NXPH2: variants seen among roughly 807,000 people sequenced by gnomAD.
The protein encoded by NXPH2 is neurexophilin-2.
In NXPH2, 5 loss-of-function variants were observed where a neutral mutation model predicts 19.8. The ratio of observed to expected loss-of-function variants is 0.25; its 90% CI spans 0.13 to 0.53. NXPH2 has a LOEUF of 0.53. Ranked by LOEUF, NXPH2 falls within the 20% of genes least tolerant of loss-of-function variation. The probability of loss-of-function intolerance (pLI) is 0.96; values close to 1 mark genes in which losing one functional copy is unlikely to be tolerated. For missense variants in NXPH2, 289 were observed against 322.8 expected, an observed-to-expected ratio of 0.90 and a Z score of 0.80; for synonymous variants, 154 against 127.4, an observed-to-expected ratio of 1.21 and a Z score of -1.41.
At chr2:138,703,524 C>T (rs1160498748) in intron 1 of NXPH2, among the ~76,000 whole-genome samples, 1 of 152,152 alleles carries the variant, frequency 6.6e-6, no homozygotes, top group Non-Finnish European at 1.5e-5. Flanking sequence ...GGTCATTATC[C>T]AGCAACCCAG....
At chr2:138,727,337 G>T (rs1448083379) in intron 1 of NXPH2, among the ~76,000 whole-genome samples, 1 of 152,134 alleles carries the variant, frequency 6.6e-6, no homozygotes, top group Non-Finnish European at 1.5e-5. Flanking sequence ...AAACCGTTTT[G>T]CATTCCCCCA....
chr2:138,761,612 T>C (rs946783845), intron 1 of NXPH2, among the ~76,000 whole-genome samples: 1 of 152,198 alleles, frequency 6.6e-6, no homozygotes, highest in Non-Finnish European at 1.5e-5. Flanking sequence ...CTGTGCCACT[T>C]GAAGCTAAGA....
At position 138,712,543 on chromosome 2, in the gene NXPH2, G is replaced by A. The variant is rs570943752; in HGVS notation, c.52-40878C>T. On this transcript the variant is annotated intron_variant, in intron 1 of 1. Transcript: ENST00000272641. ...GGATACTAAGGAGCCTTCAAGTGCA[G>A]TTCTGCTTCCCCCAAATTCGGTGGC... Among the ~76,000 whole-genome samples the A allele has an allele frequency of 2.0e-5, 3 of 152,292 alleles. No individual in the cohort carries two copies. The East Asian group carries it at 5.8e-4, about 29-fold the overall frequency.
Position 138,723,484 on chromosome 2 carries a change from T to C in NXPH2, c.52-51819A>G, listed in dbSNP as rs1433712843. Among the ~76,000 whole-genome samples, 3 of 152,306 alleles carry C rather than the reference T, an allele frequency of 2.0e-5. No homozygotes were observed. The East Asian group carries it at 5.8e-4, about 29-fold the overall frequency. The stretch of plus-strand genomic sequence containing the variant: ...TCTTCTCTGAGTGAAGTTTTTATGT[T>C]AAGCCAACTGTGAGGGGAGCAGTCT... On this transcript the variant is annotated intron_variant, in intron 1 of 1. Coordinates refer to ENST00000272641, the MANE Select transcript of NXPH2 (RefSeq NM_007226.3).
chr2:138,736,950 A>G (rs1233514795), intron 1 of NXPH2, among the ~76,000 whole-genome samples: 1 of 152,192 alleles, frequency 6.6e-6, no homozygotes, highest in African/African-American at 2.4e-5. Context: ...AGTTCCCAAC[A>G]AGTTCCTCAT....
In NXPH2 at chr2:138,696,000, GA is replaced by G. The variant is rs1680823179; in HGVS notation, c.52-24336del. Among the ~76,000 whole-genome samples the G allele has an allele frequency of 4.0e-5, 6 of 151,792 alleles. No individual in the cohort carries two copies. The South Asian group carries it at 1.2e-3, about 31-fold the overall frequency. On this transcript the variant is annotated intron_variant, in intron 1 of 1. Transcript: ENST00000272641. ...TTGCACTCCAGCTTGAGCAACAGAG[GA>G]AGACCCTGTCTCTAAAAATAAATAA...
chr2:138,730,631 C>T (rs1324090313), intron 1 of NXPH2, among the ~76,000 whole-genome samples: 1 of 152,148 alleles, frequency 6.6e-6, no homozygotes, highest in Non-Finnish European at 1.5e-5. Context: ...CCAGTTGAGC[C>T]TAGCCTTTAA....
chr2:138,725,408 A>C (rs1681341935), intron 1 of NXPH2, among the ~76,000 whole-genome samples: 1 of 152,214 alleles, frequency 6.6e-6, no homozygotes, highest in Admixed American at 6.5e-5. Flanking sequence ...TCTGTAATAG[A>C]TGTGAGCTTC....
At chr2:138,697,550 G>A (rs1475192792) in intron 1 of NXPH2, among the ~76,000 whole-genome samples, 10 of 151,942 alleles carry the variant, frequency 6.6e-5, no homozygotes, top group South Asian at 2.1e-4. Context: ...AGTGATATAC[G>A]TTTGTAAAAA....
chr2:138,670,327 C>T lies in NXPH2; in HGVS notation c.*595G>A, dbSNP rs1310618527. On this transcript the variant is annotated 3_prime_UTR_variant, in exon 2 of 2. Coordinates refer to ENST00000272641, the MANE Select transcript of NXPH2 (RefSeq NM_007226.3). ...CAAATCACATTCCACGCAACTGTAG[C>T]TCAGATGATAAGGAACTTGGTTCCA... 6.6e-6 allele frequency among the ~76,000 whole-genome samples: 1 copy of T among 152,166 alleles called. No homozygotes were observed. The highest frequency in any genetic ancestry group is 1.9e-4 in the East Asian group (1 of 5,192).
intron 1 of NXPH2, among the ~76,000 whole-genome samples, chr2:138,739,805 T>C (rs1303153852): frequency 6.6e-6 from 1 of 151,784 alleles, no homozygotes; most frequent in Non-Finnish European, 1.5e-5. Flanking sequence ...GTTTATTTCA[T>C]GAAACAAAAA....
chr2:138,771,642 G>A (rs1187339670), intron 1 of NXPH2, among the ~76,000 whole-genome samples: 5 of 152,194 alleles, frequency 3.3e-5, no homozygotes, highest in East Asian at 1.9e-4. Context: ...ATGGAAGTGC[G>A]TGATCTCAGG....
At chr2:138,717,384 T>C (rs919828129) in intron 1 of NXPH2, among the ~76,000 whole-genome samples, 3 of 151,734 alleles carry the variant, frequency 2.0e-5, no homozygotes, top group South Asian at 4.2e-4. Flanking sequence ...AGGTAACTTA[T>C]AAGCAACAGA....
At chr2:138,736,164 C>A (rs57901151) in intron 1 of NXPH2, among the ~76,000 whole-genome samples, 23 of 152,320 alleles carry the variant, frequency 1.5e-4, no homozygotes, top group African/African-American at 5.5e-4. Flanking sequence ...CCTCTTCTCA[C>A]AGCTACACTA....
At chr2:138,743,767 T>C (rs1000226962) in intron 1 of NXPH2, among the ~76,000 whole-genome samples, 22 of 151,686 alleles carry the variant, frequency 1.5e-4, no homozygotes, top group African/African-American at 4.6e-4. Context: ...CTCTGGGAGG[T>C]TGAGGTGGGC....
At chr2:138,691,109 G>T (rs961997531) in intron 1 of NXPH2, among the ~76,000 whole-genome samples, 1 of 152,186 alleles carries the variant, frequency 6.6e-6, no homozygotes, top group African/African-American at 2.4e-5. Flanking sequence ...TGTGGAGAAA[G>T]GGCACAAGGT....
In NXPH2 at chr2:138,780,169, G is replaced by T. The variant is rs747660328; in HGVS notation, c.51+22C>A. On this transcript the variant is annotated intron_variant, in intron 1 of 1. Coordinates refer to ENST00000272641, the MANE Select transcript of NXPH2 (RefSeq NM_007226.3). Reference sequence around the variant, plus strand: ...GAAACGCGTCCCCGGCGTGTGGGACGGCGCGCGGGCCGGGCACTCACCAGC... The same window carrying T: ...GAAACGCGTCCCCGGCGTGTGGGACTGCGCGCGGGCCGGGCACTCACCAGC... 10 of 1,482,488 alleles carry T rather than the reference G, an allele frequency of 6.7e-6. No homozygotes were observed. The African/African-American group carries it at 7.3e-5, about 11-fold the overall frequency. The allele number at this position is 1,482,488 out of a possible 1,614,324, so 91.8% of individuals were successfully genotyped here. A position where few individuals can be genotyped will look rare whatever the true frequency, so the allele number is the denominator to read the frequency against.
intron 1 of NXPH2, among the ~76,000 whole-genome samples, chr2:138,677,362 C>T (rs1020782692): frequency 6.6e-6 from 1 of 152,160 alleles, no homozygotes; most frequent in South Asian, 2.1e-4. Flanking sequence ...ACACATTTAT[C>T]AAAGCTTAAG....
rs577780220 is a variant in NXPH2, at chr2:138,709,583, A to G, written c.52-37918T>C. Among the ~76,000 whole-genome samples, 57 of 152,134 alleles carry G rather than the reference A, an allele frequency of 3.7e-4. 1 individual carries two copies. In the South Asian group the frequency reaches 0.01, roughly 28 times the overall value. On this transcript the variant is annotated intron_variant, in intron 1 of 1. Coordinates refer to ENST00000272641, the MANE Select transcript of NXPH2 (RefSeq NM_007226.3). ...TTAGGGTTCACTCTTGCTGAATCCT[A>G]TGGGTTTTGACAAATGTATAATGAC... is the stretch of plus-strand genomic sequence containing the variant.
Sources: allele counts gnomAD v4.1 joint callset (sites outside exome capture counted in the v4.1 genomes callset), GRCh38; gene constraint gnomAD v4.1.1; transcripts MANE v1.5; gene names NCBI Gene and HGNC (gene_info 2026-07-23, HGNC 2026-07-21).